The following SMARCA2 variants were observed in gnomAD, a reference collection of about 807,000 sequenced individuals.
The protein encoded by SMARCA2 is SWI/SNF-related matrix-associated actin-dependent regulator of chromatin subfamily A member 2.
Under a neutral mutation model 199.8 loss-of-function variants are expected in SMARCA2, and 61 were observed. The observed-to-expected ratio is 0.31, with a 90% CI of 0.25 to 0.38. SMARCA2 has a LOEUF of 0.38. SMARCA2 is among the 10% of genes least tolerant of loss of function. SMARCA2 has a pLI of 1.00. For missense variants in SMARCA2, 1,344 were observed against 2,012.2 expected (o/e 0.67, Z 6.35); for synonymous variants, 935 against 732.0 (o/e 1.28, Z -4.48).
In SMARCA2 at chr9:2,148,767, C is replaced by T. The variant is rs117480843; in HGVS notation, c.3982-12919C>T. On this transcript the variant is annotated intron_variant, in intron 27 of 33. Transcript: ENST00000349721. Reference sequence around the variant, plus strand: ...CTAGTAATCCTCCTGCCTCAGCCTCCCAAAGCACTGAGATTACAAGTGTGA... The same window carrying T: ...CTAGTAATCCTCCTGCCTCAGCCTCTCAAAGCACTGAGATTACAAGTGTGA... Among the ~76,000 whole-genome samples the T allele has an allele frequency of 6.5e-3, 982 of 151,564 alleles. 35 individuals are homozygous for T. Among genetic ancestry groups the T allele is most frequent in the East Asian group, 0.023 (121 of 5,174 alleles).
At chr9:2,032,925 C>G in intron 2 of SMARCA2, 27 bp from the exon 3 acceptor site, 1 of 1,607,432 alleles carries the variant, frequency 6.2e-7, no homozygotes, top group Non-Finnish European at 8.5e-7. Context: ...ATAGAGGTGT[C>G]TAACTAATGT....
Position 2,169,645 on chromosome 9 carries a change from C to T in SMARCA2, c.4200-774C>T, listed in dbSNP as rs539496324. Among the ~76,000 whole-genome samples, 2 of 152,108 alleles carry T rather than the reference C, an allele frequency of 1.3e-5. No homozygotes were observed. Among genetic ancestry groups the T allele is most frequent in the South Asian group, 4.2e-4 (2 of 4,784 alleles). ...CATGGACAGGCACAGGCTGTGAATC[C>T]CAAAGGGTGCTGTCTACACCTGGAG... On this transcript the variant is annotated intron_variant, in intron 28 of 33. Coordinates refer to ENST00000349721, the MANE Select transcript of SMARCA2 (RefSeq NM_003070.5). The surrounding 1 kb of genome is among the most constrained non-coding windows in gnomAD (Gnocchi z 6.5).
chr9:2,185,815 C>A (rs147827088), intron 31 of SMARCA2, among the ~76,000 whole-genome samples: 76 of 152,258 alleles, frequency 5.0e-4, no homozygotes, highest in African/African-American at 1.7e-3. Flanking sequence ...TTAAAAAATA[C>A]CATTTTTGTT....
chr9:2,100,170 C>T (rs962943080), intron 21 of SMARCA2, among the ~76,000 whole-genome samples: 31 of 152,222 alleles, frequency 2.0e-4, no homozygotes, highest in Non-Finnish European at 7.3e-5. Flanking sequence ...TCCATTCCCA[C>T]AGATGGTTGC....
rs144734935 is a variant in SMARCA2, at chr9:2,174,906, C to T, written c.4253+4434C>T. On this transcript the variant is annotated intron_variant, in intron 29 of 33. Transcript: ENST00000349721. ...TGCTACTGCAGTCCAGCCTGGGGGA[C>T]AGAGTGAGACCCTCTCTCAAAAAAA... Among the ~76,000 whole-genome samples the T allele has an allele frequency of 9.5e-3, 941 of 99,056 alleles. 9 individuals carry two copies. Among genetic ancestry groups the T allele is most frequent in the African/African-American group, 0.036 (902 of 25,356 alleles). 65.0% of individuals were successfully genotyped at this position (99,056 alleles called of 152,430 possible).
intron 29 of SMARCA2, chr9:2,181,230 C>T (rs1586804925): frequency 4.9e-6 from 1 of 203,590 alleles, no homozygotes; most frequent in East Asian, 1.6e-4. Flanking sequence ...ATATATTTAC[C>T]AATTCATTTA....
At position 2,083,262 on chromosome 9, in the gene SMARCA2, C is replaced by T. The variant is rs111311701; in HGVS notation, c.2349-85C>T. 168 of 817,368 alleles carry T rather than the reference C, an allele frequency of 2.1e-4. 1 individual carries two copies. The African/African-American group carries it at 2.4e-3, about 12-fold the overall frequency. 50.6% of individuals were successfully genotyped at this position (817,368 alleles called of 1,614,324 possible). A position where few individuals can be genotyped will look rare whatever the true frequency, so the allele number is the denominator to read the frequency against. Reference sequence around the variant, plus strand: ...TTCTGTAGCCCCTTTCAAGGTGAGGCCTGAACATGAATAAGAACATCTTTT... The same window carrying T: ...TTCTGTAGCCCCTTTCAAGGTGAGGTCTGAACATGAATAAGAACATCTTTT... On this transcript the variant is annotated intron_variant, in intron 15 of 33. Transcript: ENST00000349721.
chr9:2,166,081 A>C (rs1389716472), intron 28 of SMARCA2, among the ~76,000 whole-genome samples: 1 of 152,238 alleles, frequency 6.6e-6, no homozygotes, highest in Non-Finnish European at 1.5e-5. Context: ...TTCTACTTGG[A>C]ACCTCAGAGA....
At chr9:2,055,709 T>C (rs1323505140) in intron 6 of SMARCA2, 1 of 152,226 alleles carries the variant, frequency 6.6e-6, no homozygotes, top group Admixed American at 6.5e-5. Context: ...TCTTGGTTTG[T>C]GAGAGTAGAT....
chr9:2,061,031 G>A (rs1034887911), intron 9 of SMARCA2, 45 bp downstream of exon 9: 1 of 1,580,844 alleles, frequency 6.3e-7, no homozygotes, highest in African/African-American at 1.3e-5. Context: ...TGTATGGGCA[G>A]GGATAAGTTT....
intron 21 of SMARCA2, among the ~76,000 whole-genome samples, chr9:2,097,808 A>G (rs545463567): frequency 1.2e-3 from 182 of 152,360 alleles, no homozygotes; most frequent in African/African-American, 4.3e-3. Flanking sequence ...ATTGAAGATA[A>G]TGATAAATAC....
chr9:2,102,805 G>T (rs546950355), intron 22 of SMARCA2, among the ~76,000 whole-genome samples: 2 of 152,088 alleles, frequency 1.3e-5, no homozygotes, highest in East Asian at 1.9e-4. Flanking sequence ...TCACTCCCCT[G>T]CCTAAAACCC....
intron 14 of SMARCA2, among the ~76,000 whole-genome samples, chr9:2,081,387 C>G (rs891447928): frequency 2.6e-5 from 4 of 152,204 alleles, no homozygotes; most frequent in African/African-American, 9.7e-5. Context: ...CCCTGGCTCC[C>G]TGGTCAGTCC....
At chr9:2,166,939 CT>C (rs967704726) in intron 28 of SMARCA2, among the ~76,000 whole-genome samples, 1 of 152,318 alleles carries the variant, frequency 6.6e-6, no homozygotes, top group Non-Finnish European at 1.5e-5. Flanking sequence ...CTTGCCATGG[CT>C]TTTTCTAAGA....
chr9:2,166,451 C>G (rs1056405147), intron 28 of SMARCA2, among the ~76,000 whole-genome samples: 3 of 152,148 alleles, frequency 2.0e-5, no homozygotes, highest in African/African-American at 7.2e-5. Flanking sequence ...ATACACTGCT[C>G]TGATTTCACA....
At chr9:2,101,286 G>A (rs910564885) in intron 21 of SMARCA2, among the ~76,000 whole-genome samples, 1 of 152,050 alleles carries the variant, frequency 6.6e-6, no homozygotes, top group South Asian at 2.1e-4. Flanking sequence ...TATTGGCTCC[G>A]CTATGGGCCA....
In SMARCA2 at chr9:2,123,960, G is replaced by A. The variant is rs1230917387; in HGVS notation, c.3981+23G>A. 3.9e-6 allele frequency: 6 copies of A among 1,534,764 alleles called. No homozygotes were observed. In the Admixed American group the frequency reaches 5.9e-5, roughly 15 times the overall value. On this transcript the variant is annotated intron_variant, in intron 27 of 33. Coordinates refer to ENST00000349721, the MANE Select transcript of SMARCA2 (RefSeq NM_003070.5). This position sits in a 1 kb window ranked among gnomAD's most constrained non-coding sequence, Gnocchi z 4.1. ...AGGGTAAGCCTAGCTTTTCTAACCC[G>A]CTCTCACTAGGTGGAGGGTTTTTGG...
At position 2,123,267 on chromosome 9, in the gene SMARCA2, G is replaced by C. The variant is rs1353625102; in HGVS notation, c.3763-452G>C. The stretch of plus-strand genomic sequence containing the variant: ...TTTTTTTTTTATTGCTGATTGTTTA[G>C]TTCAAAGCACAAGCCCTATTGAATA... On this transcript the variant is annotated intron_variant, in intron 26 of 33. Transcript: ENST00000349721. This position sits in a 1 kb window ranked among gnomAD's most constrained non-coding sequence, Gnocchi z 4.1. 6.6e-6 allele frequency among the ~76,000 whole-genome samples: 1 copy of C among 151,730 alleles called. No homozygotes were observed. Among genetic ancestry groups the C allele is most frequent in the East Asian group, 1.9e-4 (1 of 5,174 alleles).
chr9:2,078,366 G>A (rs991849251), intron 14 of SMARCA2, among the ~76,000 whole-genome samples: 35 of 152,146 alleles, frequency 2.3e-4, no homozygotes, highest in Non-Finnish European at 5.9e-5. Context: ...CGGCTACTCT[G>A]GAGGCTGAAG....
Sources: allele counts gnomAD v4.1 joint callset (sites outside exome capture counted in the v4.1 genomes callset), GRCh38; gene constraint gnomAD v4.1.1; non-coding constraint Gnocchi (gnomAD v3.1); transcripts MANE v1.5; gene names NCBI Gene and HGNC (gene_info 2026-07-23, HGNC 2026-07-21).